MEGF11: variants seen among roughly 807,000 people sequenced by gnomAD.
MEGF11 encodes multiple epidermal growth factor-like domains protein 11.
Under a neutral mutation model 146.6 loss-of-function variants are expected in MEGF11, and 126 were observed. The observed-to-expected ratio is 0.86, with a 90% CI of 0.74 to 1.00. The LOEUF (loss-of-function observed/expected upper bound fraction) is 1.00. Among genes scored for constraint, MEGF11 ranks in the 50% least tolerant of loss-of-function variants. The probability of loss-of-function intolerance (pLI) is 0.00; values close to 1 mark genes in which losing one functional copy is unlikely to be tolerated. For missense variants in MEGF11, 1,509 were observed against 1,521.2 expected (o/e 0.99, Z 0.13); for synonymous variants, 532 against 583.4 (o/e 0.91, Z 1.27).
Position 66,171,011 on chromosome 15 carries a change from C to T in MEGF11, c.-8-42600G>A, listed in dbSNP as rs60715023. On this transcript the variant is annotated intron_variant, in intron 1 of 25. Coordinates refer to ENST00000395614, the MANE Select transcript of MEGF11 (RefSeq NM_001385028.1). The stretch of plus-strand genomic sequence containing the variant: ...GTCCTCGCTCAGCTCCTTCCTCTTC[C>T]CACCCTGCCTCCCTCCCTCCCTTTC... 3.1e-3 allele frequency among the ~76,000 whole-genome samples: 466 copies of T among 152,304 alleles called. 4 individuals carry two copies. The highest frequency in any genetic ancestry group is 0.01 in the African/African-American group (431 of 41,570).
At chr15:66,009,079 G>A (rs928335629) in intron 5 of MEGF11, among the ~76,000 whole-genome samples, 8 of 152,152 alleles carry the variant, frequency 5.3e-5, no homozygotes, top group South Asian at 2.1e-4. Flanking sequence ...TCCCTGGTTC[G>A]TTGGAGTCTG....
chr15:66,049,929 T>C (rs1377866241), intron 5 of MEGF11, among the ~76,000 whole-genome samples: 1 of 152,254 alleles, frequency 6.6e-6, no homozygotes, highest in East Asian at 1.9e-4. Flanking sequence ...TTTATTCATT[T>C]ATTCATTCAA....
At chr15:66,046,013 G>A (rs552115660) in intron 5 of MEGF11, among the ~76,000 whole-genome samples, 4 of 152,214 alleles carry the variant, frequency 2.6e-5, no homozygotes, top group Admixed American at 2.0e-4. Context: ...TGAGGCAGGC[G>A]AATTGCTTGA....
chr15:66,006,117 G>A (rs1265019311), intron 5 of MEGF11, among the ~76,000 whole-genome samples: 1 of 152,210 alleles, frequency 6.6e-6, no homozygotes, highest in East Asian at 1.9e-4. Context: ...ACCTCATAGA[G>A]AGATAAATGG....
At chr15:66,114,454 C>G (rs2087614849) in intron 4 of MEGF11, among the ~76,000 whole-genome samples, 1 of 152,244 alleles carries the variant, frequency 6.6e-6, no homozygotes, top group East Asian at 1.9e-4. Flanking sequence ...CGCAGCAAAA[C>G]TCAGTATGCT....
intron 5 of MEGF11, among the ~76,000 whole-genome samples, chr15:66,046,419 T>G (rs1301456134): frequency 6.6e-6 from 1 of 152,174 alleles, no homozygotes; most frequent in Non-Finnish European, 1.5e-5. Flanking sequence ...GCATGCAGTG[T>G]AGGCACCTCA....
At chr15:66,076,847 A>G (rs2085610742) in intron 5 of MEGF11, among the ~76,000 whole-genome samples, 1 of 152,136 alleles carries the variant, frequency 6.6e-6, no homozygotes, top group African/African-American at 2.4e-5. Flanking sequence ...AGCCCGCCAT[A>G]TGTTCTTCAG....
chr15:66,140,422 G>T (rs1423871518), intron 1 of MEGF11, among the ~76,000 whole-genome samples: 4 of 91,892 alleles, frequency 4.4e-5, no homozygotes, highest in African/African-American at 1.4e-4. Flanking sequence ...CAGGTTTCCC[G>T]CCTGACTCCA....
chr15:66,071,527 C>T (rs747594952), intron 5 of MEGF11, among the ~76,000 whole-genome samples: 5 of 152,222 alleles, frequency 3.3e-5, no homozygotes, highest in South Asian at 2.1e-4. Flanking sequence ...GAAAGAGAAT[C>T]GCTCATTTCA....
chr15:66,124,197 C>A (rs1047803814), intron 2 of MEGF11, among the ~76,000 whole-genome samples, 197 bp from the exon 3 acceptor site: 8 of 152,144 alleles, frequency 5.3e-5, no homozygotes, highest in African/African-American at 1.9e-4. Flanking sequence ...CCCAGGTTGG[C>A]CCCAGGACAT....
intron 5 of MEGF11, among the ~76,000 whole-genome samples, chr15:66,054,037 G>T (rs545105369): frequency 6.6e-6 from 1 of 152,148 alleles, no homozygotes; most frequent in African/African-American, 2.4e-5. Flanking sequence ...TGACCCCTTT[G>T]ATCTCCACTG....
intron 5 of MEGF11, among the ~76,000 whole-genome samples, chr15:66,024,989 C>G (rs552602192): frequency 1.3e-5 from 2 of 152,230 alleles, no homozygotes; most frequent in Admixed American, 6.5e-5. Flanking sequence ...GAGCCTCCCC[C>G]ACCCCTGTTA....
chr15:66,137,281 G>A (rs1336570689), intron 1 of MEGF11, among the ~76,000 whole-genome samples: 1 of 152,192 alleles, frequency 6.6e-6, no homozygotes, highest in Non-Finnish European at 1.5e-5. Context: ...TTCTTACAAA[G>A]AGCATTATCA....
intron 5 of MEGF11, among the ~76,000 whole-genome samples, chr15:66,021,956 G>A (rs534521362): frequency 1.8e-3 from 272 of 152,332 alleles, no homozygotes; most frequent in African/African-American, 6.0e-3. Flanking sequence ...GGCAGTCCAG[G>A]GAAGGGCGGG....
chr15:66,226,549 C>T (rs993457151), intron 1 of MEGF11, among the ~76,000 whole-genome samples: 3 of 152,146 alleles, frequency 2.0e-5, no homozygotes, highest in African/African-American at 7.2e-5. Context: ...CACCCAGCCC[C>T]TTAATTTACT....
At chr15:66,042,197 G>A (rs1399741586) in intron 5 of MEGF11, among the ~76,000 whole-genome samples, 1 of 149,266 alleles carries the variant, frequency 6.7e-6, no homozygotes, top group Non-Finnish European at 1.5e-5. Context: ...TGCAAACTTT[G>A]CCTCCCAGGT....
At chr15:66,138,883 T>C (rs2089015886) in intron 1 of MEGF11, among the ~76,000 whole-genome samples, 1 of 152,104 alleles carries the variant, frequency 6.6e-6, no homozygotes. Context: ...ATGGGGCGTA[T>C]GGGATGCAGT....
rs558281222 is a variant in MEGF11 at position 65,897,757 on chromosome 15, C to T, written c.*177G>A. ...GTGATAGGATTTGCCTTTGAGAACA[C>T]AATTCCTTGAACAATTATCCCAGTC... On this transcript the variant is annotated 3_prime_UTR_variant, in exon 26 of 26. Transcript: ENST00000395614. 1.6e-5 allele frequency: 9 copies of T among 557,712 alleles called. No homozygotes were observed. In the East Asian group the frequency reaches 2.8e-4, roughly 18 times the overall value. 34.5% of individuals were successfully genotyped at this position (557,712 alleles called of 1,614,324 possible). A position where few individuals can be genotyped will look rare whatever the true frequency, so the allele number is the denominator to read the frequency against.
At chr15:65,948,235 A>G (rs74782694) in intron 10 of MEGF11, among the ~76,000 whole-genome samples, 10,801 of 152,020 alleles carry the variant, frequency 0.071, 407 homozygotes, top group Middle Eastern at 0.11. Context: ...GCTGGGAGTC[A>G]TGTCGCCTGT....
Sources: allele counts gnomAD v4.1 joint callset (sites outside exome capture counted in the v4.1 genomes callset), GRCh38; gene constraint gnomAD v4.1.1; transcripts MANE v1.5; gene names NCBI Gene and HGNC (gene_info 2026-07-23, HGNC 2026-07-21).